NAT1: variants seen among roughly 807,000 people sequenced by gnomAD.
NAT1 encodes arylamine N-acetyltransferase 1.
For synonymous variants in NAT1, 144 were observed against 122.6 expected, an observed-to-expected ratio of 1.17 and a Z score of -1.16; for missense variants, 400 against 339.2, an observed-to-expected ratio of 1.18 and a Z score of -1.41.
At chr8:18,189,768 G>A (rs929698543) in intron 2 of NAT1, among the ~76,000 whole-genome samples, 1 of 152,136 alleles carries the variant, frequency 6.6e-6, no homozygotes, top group Admixed American at 6.6e-5. Flanking sequence ...TGTTGTTTAG[G>A]ATCACTGTTA....
chr8:18,219,552 T>G, intron 2 of NAT1, 63 bp downstream of exon 2: 3 of 836,012 alleles, frequency 3.6e-6, no homozygotes, highest in Non-Finnish European at 5.8e-6. Context: ...CTGCCTCCTT[T>G]AAGTCTTATA....
At chr8:18,180,535 T>C (rs1225870604) in intron 2 of NAT1, among the ~76,000 whole-genome samples, 2 of 152,130 alleles carry the variant, frequency 1.3e-5, no homozygotes, top group Non-Finnish European at 2.9e-5. Context: ...AGTGTCCTTA[T>C]TTGGCTTTGA....
chr8:18,188,994 C>CA (rs55636901), intron 2 of NAT1, among the ~76,000 whole-genome samples: 5,689 of 83,022 alleles, frequency 0.069, 477 homozygotes, highest in African/African-American at 0.16. Context: ...GACTCCGACT[C>CA]AAAAAAAAAA....
In NAT1 at chr8:18,205,095, C is replaced by T. The variant is rs115504094; in HGVS notation, n.93-4686C>T. 8.6e-3 allele frequency among the ~76,000 whole-genome samples: 1,311 copies of T among 152,262 alleles called. 21 individuals carry two copies. The highest frequency in any genetic ancestry group is 0.03 in the African/African-American group (1,259 of 41,524). On this transcript the variant is annotated intron_variant and non_coding_transcript_variant, in intron 2 of 4. Coordinates refer to the NAT1 transcript ENST00000517441. ...TCCCGGACCATTGGTCACTACACTC[C>T]GATGGGTGGTGTCGGCCAAAGCATT...
At chr8:18,175,812 C>G (rs996164215) in intron 2 of NAT1, among the ~76,000 whole-genome samples, 5 of 152,134 alleles carry the variant, frequency 3.3e-5, no homozygotes, top group African/African-American at 9.6e-5. Context: ...AATGACTGTA[C>G]TAATTTATGT....
intron 2 of NAT1, among the ~76,000 whole-genome samples, chr8:18,198,953 T>C (rs189995803): frequency 2.6e-5 from 4 of 152,146 alleles, no homozygotes; most frequent in African/African-American, 4.8e-5. Flanking sequence ...ATTCAGGATA[T>C]AGTGTTTTCT....
intron 2 of NAT1, among the ~76,000 whole-genome samples, chr8:18,175,503 G>A (rs1044115821): frequency 1.3e-5 from 2 of 152,052 alleles, no homozygotes; most frequent in African/African-American, 2.4e-5. Flanking sequence ...ACTTAGCACA[G>A]TGTTCTCCAG....
At chr8:18,189,152 A>C (rs547679540) in intron 2 of NAT1, among the ~76,000 whole-genome samples, 1 of 152,152 alleles carries the variant, frequency 6.6e-6, no homozygotes, top group Non-Finnish European at 1.5e-5. Flanking sequence ...GTTGTCAGAT[A>C]ATTTGCTACA....
At chr8:18,171,408 G>T (rs567655089) in intron 2 of NAT1, among the ~76,000 whole-genome samples, 133 of 152,232 alleles carry the variant, frequency 8.7e-4, no homozygotes, top group African/African-American at 3.1e-3. Flanking sequence ...CTTTGCAAAA[G>T]GCAAACAAAA....
intron 1 of NAT1, chr8:18,170,570 G>A (rs1215315701): frequency 6.6e-6 from 1 of 152,154 alleles, no homozygotes; most frequent in Non-Finnish European, 1.5e-5. Flanking sequence ...ATCGGAGGTG[G>A]GGGCATTCTG....
intron 2 of NAT1, among the ~76,000 whole-genome samples, chr8:18,178,893 G>A (rs28383670): frequency 0.15 from 22,370 of 151,960 alleles, 1,927 homozygotes; most frequent in South Asian, 0.29. Flanking sequence ...TACTCCTCTA[G>A]ATTTGTCTTT....
intron 2 of NAT1, among the ~76,000 whole-genome samples, chr8:18,187,928 G>T (rs1242603316): frequency 1.0e-5 from 1 of 98,172 alleles, no homozygotes; most frequent in South Asian, 3.7e-4. Flanking sequence ...CTATTATCTT[G>T]TATCTTAAAC....
intron 2 of NAT1, among the ~76,000 whole-genome samples, chr8:18,178,117 G>A (rs555615104): frequency 6.6e-6 from 1 of 152,132 alleles, no homozygotes; most frequent in African/African-American, 2.4e-5. Flanking sequence ...GAAATGGCAA[G>A]TGCTAGCTGA....
Position 18,179,216 on chromosome 8 carries a change from G to A in NAT1, n.92+8477G>A, listed in dbSNP as rs565173514. On this transcript the variant is annotated intron_variant and non_coding_transcript_variant, in intron 2 of 4. Coordinates refer to the NAT1 transcript ENST00000517441. The stretch of plus-strand genomic sequence containing the variant: ...CCATGGTGGGGATTGTGTCTTAGTC[G>A]TTTGGCACATCCAGTTCCAGGACAC... 6.6e-5 allele frequency among the ~76,000 whole-genome samples: 10 copies of A among 152,142 alleles called. No homozygotes were observed. The South Asian group carries it at 1.0e-3, about 16-fold the overall frequency.
intron 2 of NAT1, among the ~76,000 whole-genome samples, chr8:18,172,996 G>A (rs1563158038): frequency 6.6e-6 from 1 of 152,074 alleles, no homozygotes; most frequent in African/African-American, 2.4e-5. Flanking sequence ...TCCTCAGTCC[G>A]TTCTCATGGG....
intron 2 of NAT1, among the ~76,000 whole-genome samples, chr8:18,221,296 G>GT (rs534090137): frequency 0.021 from 2,760 of 131,418 alleles, 53 homozygotes; most frequent in Middle Eastern, 0.099. Flanking sequence ...CTTAGCGAGT[G>GT]TTTTTTTTTT....
At chr8:18,184,827 C>T (rs1802669308) in intron 2 of NAT1, among the ~76,000 whole-genome samples, 1 of 152,174 alleles carries the variant, frequency 6.6e-6, no homozygotes, top group Admixed American at 6.5e-5. Flanking sequence ...CTGCATTCTA[C>T]TTCCCTCTAG....
At chr8:18,192,179 G>A (rs1480587619) in intron 2 of NAT1, among the ~76,000 whole-genome samples, 1 of 151,926 alleles carries the variant, frequency 6.6e-6, no homozygotes, top group East Asian at 1.9e-4. Flanking sequence ...AGTGGGCAAA[G>A]GATATGAACA....
chr8:18,202,836 C>T (rs1422771371), intron 2 of NAT1, among the ~76,000 whole-genome samples: 1 of 152,156 alleles, frequency 6.6e-6, no homozygotes, highest in East Asian at 1.9e-4. Flanking sequence ...AAGGGGACCC[C>T]AGCAGGTTGC....
Sources: gnomAD v4.1 joint callset for allele counts (sites outside exome capture counted in the v4.1 genomes callset) on GRCh38, gnomAD v4.1.1 for gene constraint, MANE v1.5 for transcripts, NCBI Gene and HGNC (gene_info 2026-07-23, HGNC 2026-07-21) for gene names.